The following NDE1 variants were observed in gnomAD, a reference collection of about 807,000 sequenced individuals.
NDE1 encodes the protein nudE neurodevelopment protein 1.
Under a neutral mutation model 43.4 loss-of-function variants are expected in NDE1, and 28 were observed. The ratio of observed to expected loss-of-function variants is 0.65; its 90% CI spans 0.48 to 0.89. The LOEUF (loss-of-function observed/expected upper bound fraction) is 0.89. Ranked by LOEUF, NDE1 falls within the 40% of genes least tolerant of loss-of-function variation. The pLI is 0.00. For synonymous variants in NDE1, 184 were observed against 172.0 expected (o/e 1.07, Z -0.55); for missense variants, 441 against 434.1 (o/e 1.02, Z -0.14).
chr16:15,657,815 T>C (rs562451516), intron 1 of NDE1, among the ~76,000 whole-genome samples: 1 of 152,264 alleles, frequency 6.6e-6, no homozygotes, highest in East Asian at 1.9e-4. Flanking sequence ...TTGCCCAGGC[T>C]GGTCTCAAAC....
At chr16:15,700,029 CCACCGTGTGCATTG>C in intron 8 of NDE1, 1 of 1,183,378 alleles carries the variant, frequency 8.5e-7, no homozygotes, top group Non-Finnish European at 1.1e-6. Context: ...TCCTTACCTG[CCACCGTGTGCATTG>C]CAAAGAGGGA....
chr16:15,691,701 C>T (rs1378318596), intron 6 of NDE1, among the ~76,000 whole-genome samples: 3 of 149,610 alleles, frequency 2.0e-5, no homozygotes, highest in Non-Finnish European at 3.0e-5. Flanking sequence ...AGTGTAGTGA[C>T]GTGATCTTGG....
intron 8 of NDE1, chr16:15,717,094 C>G (rs1389494517): frequency 1.9e-6 from 3 of 1,595,674 alleles, no homozygotes; most frequent in Admixed American, 3.3e-5. Context: ...CTCCTGCTGT[C>G]CATCACCCCC....
At chr16:15,705,544 G>A (rs1399908975) in intron 8 of NDE1, among the ~76,000 whole-genome samples, 2 of 152,182 alleles carry the variant, frequency 1.3e-5, no homozygotes, top group African/African-American at 4.8e-5. Context: ...TTGGGCTCTG[G>A]CCATCTGGCC....
intron 8 of NDE1, among the ~76,000 whole-genome samples, chr16:15,700,697 C>T (rs12917934): frequency 0.038 from 5,808 of 151,980 alleles, 154 homozygotes; most frequent in South Asian, 0.094. Context: ...GTGATCCTCC[C>T]GCCTCAGCCT....
chr16:15,686,777 G>T (rs572904537), intron 4 of NDE1, among the ~76,000 whole-genome samples: 1 of 152,256 alleles, frequency 6.6e-6, no homozygotes, highest in South Asian at 2.1e-4. Flanking sequence ...TATAATCTGG[G>T]CTCACTACAA....
chr16:15,699,588 A>T (rs1273665369), intron 8 of NDE1: 6 of 1,201,956 alleles, frequency 5.0e-6, no homozygotes, highest in East Asian at 1.2e-4. Flanking sequence ...CCTCTTCTTC[A>T]TTTCACAGGA....
chr16:15,703,563 T>C lies in NDE1; in HGVS notation c.947+6703T>C, dbSNP rs1299138786. ...CTCTTACATCATACAAACTTCAATT[T>C]TTACCTTGAATACAGGGGTAGTAGG... On this transcript the variant is annotated intron_variant, in intron 8 of 8. Transcript: ENST00000396354. 3.6e-5 allele frequency: 12 copies of C among 337,212 alleles called. No individual in the cohort carries two copies. In the East Asian group the frequency reaches 5.5e-4, roughly 15 times the overall value. 20.9% of individuals were successfully genotyped at this position (337,212 alleles called of 1,614,324 possible). A position where few individuals can be genotyped will look rare whatever the true frequency, so the allele number is the denominator to read the frequency against.
intron 8 of NDE1, among the ~76,000 whole-genome samples, chr16:15,712,331 A>T (rs1310199270): frequency 6.6e-6 from 1 of 151,810 alleles, no homozygotes; most frequent in Non-Finnish European, 1.5e-5. Flanking sequence ...ATTAGTTGAG[A>T]CCTCTCACCT....
At position 15,712,066 on chromosome 16, in the gene NDE1, G is replaced by T. The variant is rs552906402; in HGVS notation, c.948-12125G>T. On this transcript the variant is annotated intron_variant, in intron 8 of 8. Coordinates refer to ENST00000396354, the MANE Select transcript of NDE1 (RefSeq NM_017668.3). ...TGTGGGGTATAAAGGAGACCAAAAC[G>T]TTAAGAAGGACCACGAGGTTTGTGA... Among the ~76,000 whole-genome samples the T allele has an allele frequency of 4.6e-5, 7 of 152,204 alleles. No individual in the cohort carries two copies. The East Asian group carries it at 9.7e-4, about 21-fold the overall frequency.
intron 4 of NDE1, among the ~76,000 whole-genome samples, chr16:15,680,473 C>A (rs1052914164): frequency 6.6e-6 from 1 of 152,170 alleles, no homozygotes; most frequent in Non-Finnish European, 1.5e-5. Flanking sequence ...TGATCTGATA[C>A]AGGTTTCCTG....
chr16:15,696,647 C>T (rs1353210761), intron 7 of NDE1, 62 bp from the exon 8 acceptor site: 2 of 1,613,230 alleles, frequency 1.2e-6, no homozygotes, highest in South Asian at 1.1e-5. Context: ...TCTGTACAGG[C>T]TCTGGTAAGA....
chr16:15,688,210 G>A (rs936485768), intron 5 of NDE1, among the ~76,000 whole-genome samples: 1 of 151,998 alleles, frequency 6.6e-6, no homozygotes, highest in Non-Finnish European at 1.5e-5. Flanking sequence ...AGAAATTTCT[G>A]GTGGAATTGC....
chr16:15,674,303 G>A (rs1381833829), intron 3 of NDE1, among the ~76,000 whole-genome samples: 4 of 152,008 alleles, frequency 2.6e-5, no homozygotes, highest in South Asian at 2.1e-4. Context: ...GAGAACAGTG[G>A]CACAATCTCT....
At chr16:15,707,005 C>T (rs770191974) in intron 8 of NDE1, among the ~76,000 whole-genome samples, 1 of 152,090 alleles carries the variant, frequency 6.6e-6, no homozygotes, top group South Asian at 2.1e-4. Flanking sequence ...AAGGGACCCC[C>T]CTAAAGGTTT....
Position 15,656,257 on chromosome 16 carries a change from T to C in NDE1, c.-44+5963T>C, listed in dbSNP as rs1000967569. ...ATTGCTTTTAAAATGTAAGAGTTTT[T>C]GGTTGAAATGCTGTTCCTGTGGTTT... On this transcript the variant is annotated intron_variant, in intron 1 of 8. Coordinates refer to ENST00000396354, the MANE Select transcript of NDE1 (RefSeq NM_017668.3). Among the ~76,000 whole-genome samples the C allele has an allele frequency of 7.9e-5, 12 of 152,310 alleles. No individual in the cohort carries two copies. In the East Asian group the frequency reaches 2.3e-3, roughly 29 times the overall value.
At chr16:15,652,929 G>A (rs1350913962) in intron 1 of NDE1, among the ~76,000 whole-genome samples, 4 of 152,122 alleles carry the variant, frequency 2.6e-5, no homozygotes, top group East Asian at 1.9e-4. Context: ...GCCTCCCAAC[G>A]TGCCGGGGTG....
chr16:15,643,489 AT>A (rs1046083638), exon 1 of NDE1: 22 of 403,166 alleles, frequency 5.5e-5, no homozygotes, highest in African/African-American at 9.1e-5. Flanking sequence ...GCCAACCAGG[AT>A]TTAATAGAAT....
intron 8 of NDE1, 63 bp downstream of exon 8, chr16:15,696,923 A>C: frequency 6.3e-7 from 1 of 1,593,114 alleles, no homozygotes. Context: ...GGCAAGAGAC[A>C]CTCACCCCCA....
Sources: allele counts gnomAD v4.1 joint callset (sites outside exome capture counted in the v4.1 genomes callset), GRCh38; gene constraint gnomAD v4.1.1; transcripts MANE v1.5; gene names NCBI Gene and HGNC (gene_info 2026-07-23, HGNC 2026-07-21).